MSRA: variants seen among roughly 807,000 people sequenced by gnomAD.
The protein encoded by MSRA is methionine sulfoxide reductase A.
Under a neutral mutation model 31.3 loss-of-function variants are expected in MSRA, and 54 were observed. That is an observed-to-expected ratio of 1.73 (90% confidence interval 1.39 to 2.17). The LOEUF is 2.17. Among genes scored for constraint, MSRA ranks in the 30% most tolerant of loss-of-function variants. The pLI is 0.00. For missense variants in MSRA, 507 were observed against 300.9 expected (o/e 1.69, Z -5.07); for synonymous variants, 169 against 116.5 (o/e 1.45, Z -2.90).
intron 5 of MSRA, among the ~76,000 whole-genome samples, chr8:10,396,147 C>T (rs778029584): frequency 6.6e-6 from 1 of 151,976 alleles, no homozygotes; most frequent in Admixed American, 6.6e-5. Context: ...TTCTTGTTTA[C>T]TGGGGCCACT....
intron 5 of MSRA, among the ~76,000 whole-genome samples, chr8:10,364,503 C>T (rs1652316746): frequency 6.6e-6 from 1 of 152,194 alleles, no homozygotes; most frequent in African/African-American, 2.4e-5. Flanking sequence ...TCCCCACTTG[C>T]CTTCCAGCCA....
chr8:10,366,372 GC>G (rs1434066014), intron 5 of MSRA, among the ~76,000 whole-genome samples: 2 of 152,210 alleles, frequency 1.3e-5, no homozygotes, highest in Non-Finnish European at 2.9e-5. Context: ...AGATGCGAGG[GC>G]CCCAGGCTGG....
intron 2 of MSRA, among the ~76,000 whole-genome samples, chr8:10,234,767 A>G (rs7827710): frequency 0.068 from 10,364 of 152,126 alleles, 403 homozygotes; most frequent in South Asian, 0.16. Context: ...GTAAATGAAT[A>G]CAAAAAAGGT....
At chr8:10,092,398 C>T (rs1466301154) in intron 1 of MSRA, among the ~76,000 whole-genome samples, 9 of 152,156 alleles carry the variant, frequency 5.9e-5, no homozygotes, top group Non-Finnish European at 1.3e-4. Flanking sequence ...GTGGCTCACG[C>T]CTGTAATCCC....
intron 3 of MSRA, among the ~76,000 whole-genome samples, chr8:10,256,415 T>C (rs1798183020): frequency 6.6e-6 from 1 of 152,178 alleles, no homozygotes; most frequent in African/African-American, 2.4e-5. Flanking sequence ...CAATTACGGA[T>C]GAAGCTGCTG....
intron 1 of MSRA, among the ~76,000 whole-genome samples, chr8:10,142,162 T>C (rs1326341436): frequency 1.3e-5 from 2 of 152,180 alleles, no homozygotes; most frequent in African/African-American, 4.8e-5. Context: ...TTCTCCATGT[T>C]GGTCAGGCTG....
At chr8:10,399,235 T>C (rs927497518) in intron 5 of MSRA, among the ~76,000 whole-genome samples, 1 of 152,176 alleles carries the variant, frequency 6.6e-6, no homozygotes, top group Non-Finnish European at 1.5e-5. Flanking sequence ...TCTGACAATG[T>C]CTAGGGGGAG....
chr8:10,201,332 C>T (rs1224938789), intron 1 of MSRA, among the ~76,000 whole-genome samples: 1 of 152,190 alleles, frequency 6.6e-6, no homozygotes, highest in Non-Finnish European at 1.5e-5. Flanking sequence ...TTCTTGATGA[C>T]CGGCAGTTCT....
chr8:10,400,326 C>A (rs897346575), intron 5 of MSRA, among the ~76,000 whole-genome samples: 1 of 150,652 alleles, frequency 6.6e-6, no homozygotes, highest in Non-Finnish European at 1.5e-5. Context: ...GAGAGAAGGT[C>A]AGGAGGACTC....
intron 2 of MSRA, among the ~76,000 whole-genome samples, chr8:10,235,287 G>A (rs989509986): frequency 6.6e-6 from 1 of 152,042 alleles, no homozygotes. Flanking sequence ...ATGTTTGAAA[G>A]CAAAAATGTA....
chr8:10,282,424 A>G (rs1039159688), intron 3 of MSRA, among the ~76,000 whole-genome samples: 2 of 152,204 alleles, frequency 1.3e-5, no homozygotes, highest in South Asian at 2.1e-4. Context: ...GAAAGCTACA[A>G]AAGTCATTGA....
chr8:10,253,654 A>G (rs1161555561), intron 3 of MSRA, among the ~76,000 whole-genome samples: 2 of 152,234 alleles, frequency 1.3e-5, no homozygotes, highest in Admixed American at 6.5e-5. Flanking sequence ...TTTTTAAAAC[A>G]TAATTGCAAA....
chr8:10,379,001 T>C (rs1439968755), intron 5 of MSRA, among the ~76,000 whole-genome samples: 4 of 152,234 alleles, frequency 2.6e-5, no homozygotes, highest in African/African-American at 9.6e-5. Flanking sequence ...TTTGCCTGCA[T>C]ATTTTTTTAC....
intron 5 of MSRA, among the ~76,000 whole-genome samples, chr8:10,418,815 T>TAAAAAAAAAAAA (rs71203323): frequency 3.0e-5 from 2 of 66,014 alleles, no homozygotes; most frequent in African/African-American, 6.5e-5. Context: ...TTACTACGAC[T>TAAAAAAAAAAAA]AAAAAAAAAA....
At chr8:10,192,529 G>T (rs918177516) in intron 1 of MSRA, among the ~76,000 whole-genome samples, 3 of 152,248 alleles carry the variant, frequency 2.0e-5, no homozygotes, top group Non-Finnish European at 4.4e-5. Flanking sequence ...AACAGTGGTT[G>T]TTGTGCAACA....
intron 5 of MSRA, among the ~76,000 whole-genome samples, chr8:10,339,483 T>C (rs373582278): frequency 9.2e-5 from 14 of 151,972 alleles, no homozygotes; most frequent in African/African-American, 3.4e-4. Context: ...GTGGTCAGGA[T>C]TTTTGTGTTT....
chr8:10,179,068 C>A (rs545961039), intron 1 of MSRA, among the ~76,000 whole-genome samples: 3 of 152,226 alleles, frequency 2.0e-5, no homozygotes, highest in African/African-American at 7.2e-5. Flanking sequence ...TCACAATCTC[C>A]CCCTTGGCAG....
At chr8:10,066,266 C>T (rs572820468) in intron 1 of MSRA, among the ~76,000 whole-genome samples, 4 of 152,134 alleles carry the variant, frequency 2.6e-5, no homozygotes, top group Admixed American at 6.5e-5. Context: ...GGATTACAGG[C>T]GTGAGCCCCT....
At chr8:10,384,031 C>G (rs932916767) in intron 5 of MSRA, among the ~76,000 whole-genome samples, 1 of 152,148 alleles carries the variant, frequency 6.6e-6, no homozygotes, top group Non-Finnish European at 1.5e-5. Context: ...AAATCCGTGA[C>G]TCTGGAGCCC....
Sources: allele counts gnomAD v4.1 joint callset (sites outside exome capture counted in the v4.1 genomes callset), GRCh38; gene constraint gnomAD v4.1.1; transcripts MANE v1.5; gene names NCBI Gene and HGNC (gene_info 2026-07-23, HGNC 2026-07-21).